LDB3: variants seen among roughly 807,000 people sequenced by gnomAD.
LDB3 encodes LIM domain binding 3.
A neutral mutation model predicts 69.0 loss-of-function variants in LDB3; 49 were observed. The observed-to-expected ratio is 0.71, with a 90% CI of 0.56 to 0.90. LDB3 has a LOEUF of 0.90. Ranked by LOEUF, LDB3 falls within the 40% of genes least tolerant of loss-of-function variation. The pLI, the probability that LDB3 is intolerant of heterozygous loss-of-function variation, is 0.00. For missense variants in LDB3, 928 were observed against 974.1 expected (o/e 0.95, Z 0.63); for synonymous variants, 387 against 396.2 (o/e 0.98, Z 0.28).
At chr10:86,697,284 C>A (rs1486455321) in intron 7 of LDB3, among the ~76,000 whole-genome samples, 1 of 136,746 alleles carries the variant, frequency 7.3e-6, no homozygotes, top group African/African-American at 2.8e-5. Flanking sequence ...TGCAGTGGCG[C>A]GATCTCGGCT....
At chr10:86,681,937 C>A in intron 5 of LDB3, 134 bp downstream of exon 5, 1 of 931,434 alleles carries the variant, frequency 1.1e-6, no homozygotes, top group Non-Finnish European at 1.6e-6. Flanking sequence ...ATGAGGTCAG[C>A]AGTGATCCTG....
intron 11 of LDB3, among the ~76,000 whole-genome samples, chr10:86,718,470 G>C (rs1201467596): frequency 6.6e-6 from 1 of 152,182 alleles, no homozygotes; most frequent in Non-Finnish European, 1.5e-5. Flanking sequence ...GTAATAAGCA[G>C]TACCTCCTCC....
intron 5 of LDB3, chr10:86,687,317 C>A (rs759764411): frequency 1.3e-6 from 2 of 1,575,208 alleles, no homozygotes; most frequent in South Asian, 1.1e-5. Flanking sequence ...CTCCAGAGCC[C>A]GAGGGGTATG....
At chr10:86,692,816 G>C (rs965991199) in intron 7 of LDB3, among the ~76,000 whole-genome samples, 1 of 152,218 alleles carries the variant, frequency 6.6e-6, no homozygotes, top group African/African-American at 2.4e-5. Context: ...GGCTCTCCCA[G>C]CTTCATCCCT....
chr10:86,717,989 C>T lies in LDB3; in HGVS notation c.1702C>T (p.Arg568Cys), dbSNP rs920461832. Residue 568 changes from arginine to cysteine, a missense_variant, in exon 11 of 14, where the codon CGT becomes TGT. Arg to Cys is a radical substitution (Grantham distance 180). Coordinates refer to ENST00000361373, the MANE Select transcript of LDB3 (RefSeq NM_007078.3). Reference sequence around the variant, plus strand: ...GGGCCCATTTCTGGTAGCCATGGGCCGTTCTTGGCACCCTGAAGAGTTCAC... The same window carrying T: ...GGGCCCATTTCTGGTAGCCATGGGCTGTTCTTGGCACCCTGAAGAGTTCAC... ...IRGPFLVAMG[R>C]SWHPEEFTCA... The T allele has an allele frequency of 1.3e-5, 21 of 1,614,118 alleles. No homozygotes were observed. Among genetic ancestry groups the T allele is most frequent in the South Asian group, 2.2e-5 (2 of 91,084 alleles).
intron 9 of LDB3, among the ~76,000 whole-genome samples, chr10:86,716,035 A>G (rs372421706): frequency 7.0e-6 from 1 of 143,262 alleles, no homozygotes; most frequent in East Asian, 2.4e-4. Flanking sequence ...GGCCTTGGGC[A>G]GTCAAGGCCT....
rs547882582 is a variant in LDB3, at chr10:86,735,442, C to T, written c.*2466C>T. The stretch of plus-strand genomic sequence containing the variant: ...TTTTCATAATCCATGGTGGGGAGCA[C>T]ACTTTGGAGCTACATTTCTTGTCTC... On this transcript the variant is annotated 3_prime_UTR_variant, in exon 14 of 14. Transcript: ENST00000361373. 6.6e-6 allele frequency: 1 copy of T among 152,202 alleles called. No homozygotes were observed. The highest frequency in any genetic ancestry group is 2.4e-5 in the African/African-American group (1 of 41,538). 9.4% of individuals were successfully genotyped at this position (152,202 alleles called of 1,614,324 possible).
At chr10:86,711,164 A>G (rs1038369257) in intron 9 of LDB3, among the ~76,000 whole-genome samples, 1 of 152,160 alleles carries the variant, frequency 6.6e-6, no homozygotes, top group Admixed American at 6.5e-5. Context: ...GGTGGAGGCG[A>G]GGCCTTGCCG....
At chr10:86,725,080 A>G (rs1847209973) in intron 12 of LDB3, among the ~76,000 whole-genome samples, 1 of 152,258 alleles carries the variant, frequency 6.6e-6, no homozygotes, top group South Asian at 2.1e-4. Flanking sequence ...GAAATCACTT[A>G]AGAAAAAGCC....
chr10:86,727,017 ATT>A (rs35394356), intron 13 of LDB3, among the ~76,000 whole-genome samples: 2,918 of 138,032 alleles, frequency 0.021, 31 homozygotes, highest in African/African-American at 0.03. Context: ...CGATTTGAGA[ATT>A]TTTTTTTTTT....
intron 8 of LDB3, 100 bp downstream of exon 8, chr10:86,706,819 G>A: frequency 7.7e-7 from 1 of 1,299,700 alleles, no homozygotes; most frequent in Non-Finnish European, 1.1e-6. Flanking sequence ...AGGTAGTTAG[G>A]GCCCGCAGGC....
chr10:86,718,156 G>A lies in LDB3; in HGVS notation c.1857+12G>A, dbSNP rs372190730. The A allele has an allele frequency of 6.2e-6, 10 of 1,612,714 alleles. No homozygotes were observed. The highest frequency in any genetic ancestry group is 8.5e-6 in the Non-Finnish European group (10 of 1,178,758). On this transcript the variant is annotated intron_variant, in intron 11 of 13. Transcript: ENST00000361373. ...CCAAAATTATGGGGGTAAGTGGGAG[G>A]CCTCCATTTCCTCTGACCCATGTCT...
intron 5 of LDB3, among the ~76,000 whole-genome samples, chr10:86,688,717 T>A (rs1845619075): frequency 6.6e-6 from 1 of 152,192 alleles, no homozygotes; most frequent in African/African-American, 2.4e-5. Flanking sequence ...CATTTCTTTG[T>A]CACGTGTGTC....
intron 13 of LDB3, among the ~76,000 whole-genome samples, chr10:86,728,727 G>A (rs11202140): frequency 0.066 from 10,063 of 151,690 alleles, 466 homozygotes; most frequent in South Asian, 0.11. Context: ...GATTATAGGC[G>A]CCTGCCACCA....
At chr10:86,697,989 C>T (rs932748280) in intron 7 of LDB3, among the ~76,000 whole-genome samples, 6 of 152,190 alleles carry the variant, frequency 3.9e-5, no homozygotes, top group African/African-American at 9.6e-5. Context: ...AATATCACAA[C>T]GAGGATACTG....
intron 12 of LDB3, among the ~76,000 whole-genome samples, chr10:86,723,260 A>G (rs12773445): frequency 7.4e-6 from 1 of 135,964 alleles, no homozygotes; most frequent in South Asian, 2.5e-4. Flanking sequence ...ACAGAGCAAG[A>G]CTCAATCTAA....
chr10:86,669,592 G>C (rs1038459528), intron 2 of LDB3, among the ~76,000 whole-genome samples: 1 of 152,208 alleles, frequency 6.6e-6, no homozygotes, highest in Non-Finnish European at 1.5e-5. Context: ...AGGGACTGAT[G>C]GGGGAACAGC....
At chr10:86,687,006 A>C (rs1213100376) in intron 5 of LDB3, 1 of 1,524,900 alleles carries the variant, frequency 6.6e-7, no homozygotes, top group Non-Finnish European at 9.1e-7. Flanking sequence ...CACCCATGTA[A>C]CCGCCACCTG....
Position 86,681,516 on chromosome 10 carries a change from C to A in LDB3, c.402C>A (p.Gly134=). 1 of 1,611,938 alleles carries A rather than the reference C, an allele frequency of 6.2e-7. No homozygotes were observed. The change falls in exon 5 of 14, where the codon GGC becomes GGA. Residue 134 remains glycine (G), a synonymous_variant. Coordinates refer to ENST00000361373, the MANE Select transcript of LDB3 (RefSeq NM_007078.3). ...PEARASPGTP[G]TPELRPTFSP... ...CGAGGGCCAGCCCAGGCACCCCAGG[C>A]ACCCCGGAGCTCAGGCCCACCTTTA... is the stretch of plus-strand genomic sequence containing the variant.
Sources: allele counts gnomAD v4.1 joint callset (sites outside exome capture counted in the v4.1 genomes callset), GRCh38; gene constraint gnomAD v4.1.1; transcripts MANE v1.5; gene names NCBI Gene and HGNC (gene_info 2026-07-23, HGNC 2026-07-21).